Variants in CAST observed in about 807,000 individuals in gnomAD.
CAST encodes the protein MIR583 host.
CAST carries 76 observed loss-of-function variants against 119.6 expected under a neutral mutation model. The observed-to-expected ratio is 0.64, with a 90% CI of 0.53 to 0.77. The LOEUF is 0.77. CAST is among the 30% of genes least tolerant of loss of function. The probability of loss-of-function intolerance (pLI) is 0.00; values close to 1 mark genes in which losing one functional copy is unlikely to be tolerated. For synonymous variants in CAST, 319 were observed against 331.6 expected, an observed-to-expected ratio of 0.96 and a Z score of 0.41; for missense variants, 953 against 946.5, an observed-to-expected ratio of 1.01 and a Z score of -0.09.
intron 12 of CAST, 141 bp from the exon 13 acceptor site, chr5:96,740,604 G>A (rs753227733): frequency 2.7e-5 from 18 of 667,372 alleles, no homozygotes; most frequent in Non-Finnish European, 3.3e-5. Context: ...ATCAGGTCTC[G>A]TTTTGAGGTA....
At chr5:96,624,457 C>A (rs1298006328) in intron 1 of CAST, among the ~76,000 whole-genome samples, 1 of 152,178 alleles carries the variant, frequency 6.6e-6, no homozygotes, top group African/African-American at 2.4e-5. Context: ...GGAATTATAG[C>A]AGAATTATAA....
the CAST span, among the ~76,000 whole-genome samples, chr5:96,131,522 A>G: frequency 1.3e-5 from 2 of 152,162 alleles, no homozygotes; most frequent in African/African-American, 2.4e-5. Flanking sequence ...GTTCAGGAAA[A>G]ATAAATGGCA....
intron 1 of CAST, among the ~76,000 whole-genome samples, chr5:96,560,772 A>G (rs913490963): frequency 6.6e-6 from 1 of 152,158 alleles, no homozygotes; most frequent in African/African-American, 2.4e-5. Flanking sequence ...AACTAGTTCA[A>G]CCATTGTGGA....
chr5:96,416,331 C>A, the CAST span, among the ~76,000 whole-genome samples: 3 of 152,190 alleles, frequency 2.0e-5, no homozygotes, highest in Admixed American at 2.0e-4. Flanking sequence ...CAAATTCTGG[C>A]TTCTGCCATT....
rs535717874 is a variant in CAST, at chr5:96,675,601, G to A, written c.138G>A (p.Glu46=). The change falls in exon 2 of 32, where the codon GAG becomes GAA. Residue 46 remains glutamate, a splice_region_variant and synonymous_variant. Coordinates refer to ENST00000675179, the MANE Select transcript of CAST (RefSeq NM_001750.7). ...CAGGAGAAAAGAAAGGATCAGATGAGGTAATTTCCACAATACTGGGCTTTC... is the reference window on the plus strand; with the variant it reads ...CAGGAGAAAAGAAAGGATCAGATGAAGTAATTTCCACAATACTGGGCTTTC... ...SKPGEKKGSD[E]KKAASLGSSQ... The A allele has an allele frequency of 1.2e-6, 2 of 1,608,370 alleles. No individual in the cohort carries two copies. Among genetic ancestry groups the A allele is most frequent in the African/African-American group, 2.7e-5 (2 of 74,898 alleles).
intron 1 of CAST, among the ~76,000 whole-genome samples, chr5:96,654,274 C>G (rs1404114585): frequency 6.6e-6 from 1 of 152,106 alleles, no homozygotes; most frequent in African/African-American, 2.4e-5. Flanking sequence ...ATTTGTCTGC[C>G]TCAGCCTCCC....
chr5:96,657,633 T>C (rs1479545686), upstream of CAST, among the ~76,000 whole-genome samples: 1 of 152,180 alleles, frequency 6.6e-6, no homozygotes, highest in Non-Finnish European at 1.5e-5. Context: ...TGGTAAATAT[T>C]TGAAGCAAGC....
the CAST span, among the ~76,000 whole-genome samples, chr5:95,967,074 C>T: frequency 1.3e-5 from 2 of 152,180 alleles, no homozygotes; most frequent in African/African-American, 4.8e-5. Context: ...CCTAACAACT[C>T]TTACCATTTC....
chr5:96,705,348 A>T (rs1754745854), intron 3 of CAST, among the ~76,000 whole-genome samples: 1 of 152,114 alleles, frequency 6.6e-6, no homozygotes, highest in African/African-American at 2.4e-5. Context: ...AAAAAAAGAA[A>T]AAAAAAGAAT....
chr5:96,467,963 T>C, the CAST span, among the ~76,000 whole-genome samples: 1 of 152,064 alleles, frequency 6.6e-6, no homozygotes, highest in Non-Finnish European at 1.5e-5. Context: ...AATTCACAAT[T>C]GCAAAGATAC....
chr5:96,222,862 A>G, the CAST span, among the ~76,000 whole-genome samples: 1 of 152,188 alleles, frequency 6.6e-6, no homozygotes, highest in African/African-American at 2.4e-5. Flanking sequence ...GAATCAACCT[A>G]AGTGTCCATC....
intron 1 of CAST, among the ~76,000 whole-genome samples, chr5:96,561,796 G>GTTTTTTTGTTTTTTTTT (rs1267067922): frequency 2.1e-5 from 2 of 97,422 alleles, no homozygotes; most frequent in African/African-American, 3.8e-5. Flanking sequence ...GTTTTTTTTT[G>GTTTTTTTGTTTTTTTTT]TTTTTTTTTT....
intron 1 of CAST, among the ~76,000 whole-genome samples, chr5:96,576,600 C>T (rs576764618): frequency 6.6e-6 from 1 of 152,288 alleles, no homozygotes; most frequent in Non-Finnish European, 1.5e-5. Flanking sequence ...TGGCCTCTAC[C>T]TCCCAAAGTG....
chr5:96,228,747 A>G, the CAST span, among the ~76,000 whole-genome samples: 1 of 152,224 alleles, frequency 6.6e-6, no homozygotes, highest in Non-Finnish European at 1.5e-5. Flanking sequence ...GCATGCTTAC[A>G]AAGTTGACTG....
At chr5:96,066,424 C>A in the CAST span, among the ~76,000 whole-genome samples, 1 of 150,624 alleles carries the variant, frequency 6.6e-6, no homozygotes, top group Non-Finnish European at 1.5e-5. Context: ...AATACCTCTG[C>A]ACTTTCTGCC....
chr5:96,769,353 T>G (rs1416880532), intron 29 of CAST: 1 of 152,054 alleles, frequency 6.6e-6, no homozygotes, highest in Non-Finnish European at 1.5e-5. Context: ...TGTTTCCCAT[T>G]GTTCATTTCT....
At chr5:96,445,989 A>G in the CAST span, among the ~76,000 whole-genome samples, 1 of 152,176 alleles carries the variant, frequency 6.6e-6, no homozygotes, top group Non-Finnish European at 1.5e-5. Flanking sequence ...CTGGGATCAT[A>G]GGCATGTGCC....
In CAST at chr5:96,751,631, G is replaced by T. The variant is rs377738353; in HGVS notation, c.1524+949G>T. On this transcript the variant is annotated intron_variant, in intron 20 of 31. Coordinates refer to ENST00000675179, the MANE Select transcript of CAST (RefSeq NM_001750.7). ...TGCTAGGCCACAGTGGTAAAGAACC[G>T]GAGAGGAGGAGGGACTCTAGGAGGA... Among the ~76,000 whole-genome samples, 241 of 152,258 alleles carry T rather than the reference G, an allele frequency of 1.6e-3. 1 individual carries two copies. The Middle Eastern group carries it at 0.02, about 13-fold the overall frequency.
chr5:96,155,918 T>C, the CAST span, among the ~76,000 whole-genome samples: 3 of 152,008 alleles, frequency 2.0e-5, no homozygotes, highest in Non-Finnish European at 4.4e-5. Context: ...ACCCTTTAGG[T>C]AGAGAGAGTC....
Sources: gnomAD v4.1 joint callset for allele counts (sites outside exome capture counted in the v4.1 genomes callset) on GRCh38, gnomAD v4.1.1 for gene constraint, MANE v1.5 for transcripts, NCBI Gene and HGNC (gene_info 2026-07-23, HGNC 2026-07-21) for gene names.